The following CASK variants were observed in gnomAD, a reference collection of about 807,000 sequenced individuals.
The protein encoded by CASK is calcium/calmodulin dependent serine protein kinase.
CASK carries 4 observed loss-of-function variants against 82.9 expected under a neutral mutation model. The ratio of observed to expected loss-of-function variants is 0.05; its 90% CI spans 0.02 to 0.11. The LOEUF (loss-of-function observed/expected upper bound fraction) is 0.11. Among genes scored for constraint, CASK ranks in the 10% least tolerant of loss-of-function variants. The probability of loss-of-function intolerance (pLI) is 1.00; values close to 1 mark genes in which losing one functional copy is unlikely to be tolerated. For missense variants in CASK, 358 were observed against 720.9 expected (o/e 0.50, Z 5.76); for synonymous variants, 259 against 253.5 (o/e 1.02, Z -0.20).
At chrX:41,855,366 G>A (rs954416620) in intron 1 of CASK, among the ~76,000 whole-genome samples, 5 of 111,539 alleles carry the variant, frequency 4.5e-5, no homozygotes, top group South Asian at 3.8e-4. Flanking sequence ...GGGTCTGTCC[G>A]TCAATGACAT....
intron 5 of CASK, among the ~76,000 whole-genome samples, chrX:41,720,550 C>T (rs891830909): frequency 1.6e-4 from 18 of 112,269 alleles, no homozygotes; most frequent in African/African-American, 5.8e-4. Flanking sequence ...TTTCTGCATA[C>T]CAGCCTCCCA....
intron 2 of CASK, among the ~76,000 whole-genome samples, chrX:41,796,126 A>C (rs1386225977): frequency 8.9e-6 from 1 of 111,980 alleles, no homozygotes; most frequent in Non-Finnish European, 1.9e-5. Context: ...AAGCACTAAC[A>C]CATTCTGCTG....
At chrX:41,750,789 G>A (rs1016349365) in intron 3 of CASK, among the ~76,000 whole-genome samples, 2 of 112,425 alleles carry the variant, frequency 1.8e-5, no homozygotes, top group Non-Finnish European at 3.8e-5. Context: ...AGGGAGATCA[G>A]AATATGCCAC....
intron 7 of CASK, among the ~76,000 whole-genome samples, chrX:41,661,109 G>A (rs2067024928): frequency 9.0e-6 from 1 of 111,492 alleles, no homozygotes; most frequent in South Asian, 3.8e-4. Context: ...AGTTACTTTT[G>A]TCTCTTTTAG....
Position 41,833,451 on chromosome X carries a change from A to G in CASK, c.172+19664T>C, listed in dbSNP as rs755571962. ...AAAAAAGGCAAATCCATAGAAATAG[A>G]AAGTAGACTGGTAATTGCCAGAGGC... On this transcript the variant is annotated intron_variant, in intron 2 of 26. Coordinates refer to ENST00000378163, the MANE Select transcript of CASK (RefSeq NM_001367721.1). 2.7e-4 allele frequency among the ~76,000 whole-genome samples: 30 copies of G among 111,903 alleles called. No homozygotes were observed. In the South Asian group the frequency reaches 3.4e-3, roughly 13 times the overall value.
rs144436940 is a variant in CASK at position 41,840,194 on chromosome X, T to C, written c.172+12921A>G. Among the ~76,000 whole-genome samples, 48 of 112,139 alleles carry C rather than the reference T, an allele frequency of 4.3e-4. No homozygotes were observed. The East Asian group carries it at 0.01, about 24-fold the overall frequency. On this transcript the variant is annotated intron_variant, in intron 2 of 26. Transcript: ENST00000378163. ...GGTAAGAACTGATTCTTAACAACAT[T>C]GAGTCTTCTTATCCACAAACGTGGA...
chrX:41,880,786 C>T (rs1458770193), intron 1 of CASK, among the ~76,000 whole-genome samples: 1 of 111,654 alleles, frequency 9.0e-6, no homozygotes, highest in Non-Finnish European at 1.9e-5. Context: ...AGATATCTCA[C>T]TATACATCTA....
At position 41,923,128 on chromosome X, in the gene CASK, G is replaced by T; in HGVS notation, c.-140C>A. On this transcript the variant is annotated 5_prime_UTR_variant, in exon 1 of 27. Coordinates refer to ENST00000378163, the MANE Select transcript of CASK (RefSeq NM_001367721.1). ...CTCGGTGCCGAGGACGCTCGAGTGGGGCCGCGAGGCCCAGAGACTGCGGCG... is the reference window on the plus strand; with the variant it reads ...CTCGGTGCCGAGGACGCTCGAGTGGTGCCGCGAGGCCCAGAGACTGCGGCG... 4.5e-6 allele frequency: 2 copies of T among 444,580 alleles called. No individual in the cohort carries two copies. The highest frequency in any genetic ancestry group is 7.6e-6 in the Non-Finnish European group (2 of 264,609). 36.6% of individuals were successfully genotyped at this position (444,580 alleles called of 1,213,427 possible).
chrX:41,908,722 T>C (rs940786141), intron 1 of CASK, among the ~76,000 whole-genome samples: 6 of 111,960 alleles, frequency 5.4e-5, no homozygotes, highest in Non-Finnish European at 1.1e-4. Flanking sequence ...GAGGGTCAGG[T>C]GTAAAGGCAA....
At chrX:41,528,408 C>T (rs1294886304) in intron 25 of CASK, among the ~76,000 whole-genome samples, 3 of 112,341 alleles carry the variant, frequency 2.7e-5, no homozygotes, top group Non-Finnish European at 5.6e-5. Flanking sequence ...TCAATTGGGC[C>T]TCAGTTGTCT....
intron 9 of CASK, among the ~76,000 whole-genome samples, chrX:41,630,058 T>A (rs1305685850): frequency 8.9e-6 from 1 of 112,084 alleles, no homozygotes; most frequent in Non-Finnish European, 1.9e-5. Context: ...AAGTTGTAAT[T>A]TTCTATCAAG....
chrX:41,912,299 T>TG, intron 1 of CASK, among the ~76,000 whole-genome samples: 1 of 99,806 alleles, frequency 1.0e-5, no homozygotes, highest in Non-Finnish European at 2.0e-5. Context: ...GTTTGTTTTC[T>TG]GTTTTTTTTT....
chrX:41,897,879 G>C (rs1601952678), intron 1 of CASK, among the ~76,000 whole-genome samples: 2 of 111,682 alleles, frequency 1.8e-5, no homozygotes, highest in East Asian at 5.6e-4. Flanking sequence ...ATTTTGTTGA[G>C]GACTTTGGCA....
At chrX:41,775,942 A>G (rs980495787) in intron 3 of CASK, among the ~76,000 whole-genome samples, 1 of 105,411 alleles carries the variant, frequency 9.5e-6, no homozygotes, top group African/African-American at 3.4e-5. Flanking sequence ...GCTAGATGAC[A>G]AGTTAGTGGG....
At chrX:41,865,251 G>A (rs1334322837) in intron 1 of CASK, among the ~76,000 whole-genome samples, 1 of 111,824 alleles carries the variant, frequency 8.9e-6, no homozygotes, top group Non-Finnish European at 1.9e-5. Flanking sequence ...AGGGCAATCA[G>A]ATCCCCCAAA....
At chrX:41,534,297 T>C (rs1435517308) in intron 24 of CASK, among the ~76,000 whole-genome samples, 3 of 110,804 alleles carry the variant, frequency 2.7e-5, no homozygotes. Flanking sequence ...CTATGAAAAC[T>C]TATTTTTCTG....
chrX:41,622,524 G>T, intron 11 of CASK, 93 bp downstream of exon 11: 1 of 700,730 alleles, frequency 1.4e-6, no homozygotes, highest in Non-Finnish European at 2.2e-6. Context: ...CACACAAACA[G>T]CCAAGGAAAA....
chrX:41,737,067 G>A (rs1479963139), intron 5 of CASK, among the ~76,000 whole-genome samples: 2 of 112,189 alleles, frequency 1.8e-5, no homozygotes, highest in Non-Finnish European at 3.8e-5. Context: ...TTCAACTAAT[G>A]AAATGCATAA....
intron 2 of CASK, among the ~76,000 whole-genome samples, chrX:41,825,776 A>G (rs1334564339): frequency 8.9e-6 from 1 of 112,238 alleles, no homozygotes; most frequent in African/African-American, 3.2e-5. Flanking sequence ...TTCAAAAGGC[A>G]ATCACTACCT....
Sources: gnomAD v4.1 joint callset for allele counts (sites outside exome capture counted in the v4.1 genomes callset) on GRCh38, gnomAD v4.1.1 for gene constraint, MANE v1.5 for transcripts, NCBI Gene and HGNC (gene_info 2026-07-23, HGNC 2026-07-21) for gene names.